Variants in LRMDA observed in about 807,000 individuals in gnomAD.
LRMDA encodes leucine rich melanocyte differentiation associated.
Under a neutral mutation model 29.8 loss-of-function variants are expected in LRMDA, and 18 were observed. The observed-to-expected ratio is 0.60, with a 90% CI of 0.42 to 0.90. The LOEUF (loss-of-function observed/expected upper bound fraction) is 0.90. LRMDA is among the 40% of genes least tolerant of loss of function. The probability of loss-of-function intolerance (pLI) is 0.00; values close to 1 mark genes in which losing one functional copy is unlikely to be tolerated. For synonymous variants in LRMDA, 125 were observed against 109.4 expected (o/e 1.14, Z -0.89); for missense variants, 273 against 273.9 (o/e 1.00, Z 0.02).
chr10:76,162,290 G>A (rs1036971827), intron 5 of LRMDA, among the ~76,000 whole-genome samples: 2 of 152,146 alleles, frequency 1.3e-5, no homozygotes, highest in Non-Finnish European at 2.9e-5. Flanking sequence ...GGAAAAGATC[G>A]CTGGCAGAGT....
At chr10:76,177,625 TA>T (rs145882342) in intron 5 of LRMDA, among the ~76,000 whole-genome samples, 4 of 152,016 alleles carry the variant, frequency 2.6e-5, no homozygotes, top group Non-Finnish European at 1.5e-5. Flanking sequence ...TCTAAGTAGA[TA>T]AAAAAAATCC....
At chr10:76,018,802 G>A (rs746735788) in intron 2 of LRMDA, among the ~76,000 whole-genome samples, 4 of 152,078 alleles carry the variant, frequency 2.6e-5, no homozygotes, top group Admixed American at 6.6e-5. Flanking sequence ...TCTTTACCTC[G>A]TGATCCACCT....
At chr10:76,087,808 A>G (rs1056099507) in intron 5 of LRMDA, among the ~76,000 whole-genome samples, 1 of 152,194 alleles carries the variant, frequency 6.6e-6, no homozygotes, top group African/African-American at 2.4e-5. Context: ...TGATTTCCTC[A>G]GTGTTTGAAA....
chr10:75,570,235 A>G (rs1454251010), intron 2 of LRMDA, among the ~76,000 whole-genome samples: 1 of 152,188 alleles, frequency 6.6e-6, no homozygotes, highest in Non-Finnish European at 1.5e-5. Context: ...AGATTGTAAG[A>G]GACTATGGGT....
At chr10:76,447,019 A>G (rs1052453166) in intron 6 of LRMDA, among the ~76,000 whole-genome samples, 2 of 150,330 alleles carry the variant, frequency 1.3e-5, no homozygotes, top group Admixed American at 6.6e-5. Flanking sequence ...TGTGTTCGGT[A>G]TATGTTGGAG....
chr10:76,291,229 T>C (rs189817447), intron 5 of LRMDA, among the ~76,000 whole-genome samples: 1 of 152,294 alleles, frequency 6.6e-6, no homozygotes. Context: ...CTCCCTGTCT[T>C]TCACTGTTGG....
At chr10:75,817,981 G>T (rs1254279920) in intron 2 of LRMDA, among the ~76,000 whole-genome samples, 1 of 152,174 alleles carries the variant, frequency 6.6e-6, no homozygotes, top group Non-Finnish European at 1.5e-5. Context: ...ATCTTGGCTT[G>T]GTGCTTACAC....
chr10:76,412,305 A>G lies in LRMDA; in HGVS notation c.601+87820A>G, dbSNP rs140156892. Reference sequence around the variant, plus strand: ...ATTTTGTATTTTCTCCTGCTTCTACATAGGGAGGGAGGGCTCTGCCTCCCC... The same window carrying G: ...ATTTTGTATTTTCTCCTGCTTCTACGTAGGGAGGGAGGGCTCTGCCTCCCC... On this transcript the variant is annotated intron_variant, in intron 6 of 6. Coordinates refer to ENST00000611255, the MANE Select transcript of LRMDA (RefSeq NM_001305581.2). Among the ~76,000 whole-genome samples the G allele has an allele frequency of 1.0e-3, 156 of 152,288 alleles. 6 individuals carry two copies. The East Asian group carries it at 0.027, about 26-fold the overall frequency.
chr10:75,985,727 G>A (rs1474127184), intron 2 of LRMDA, among the ~76,000 whole-genome samples: 2 of 152,222 alleles, frequency 1.3e-5, no homozygotes, highest in Non-Finnish European at 2.9e-5. Context: ...AGAACTCAGA[G>A]ATGGAGGGAG....
intron 5 of LRMDA, among the ~76,000 whole-genome samples, chr10:76,288,596 T>C (rs997437764): frequency 1.3e-5 from 2 of 152,184 alleles, no homozygotes; most frequent in South Asian, 4.1e-4. Context: ...CCATTTTGGT[T>C]TGGTCTGTTC....
chr10:75,787,270 C>T (rs923835817), intron 2 of LRMDA, among the ~76,000 whole-genome samples: 1 of 152,188 alleles, frequency 6.6e-6, no homozygotes, highest in Non-Finnish European at 1.5e-5. Flanking sequence ...TGAAGTCCTG[C>T]TGCTTTCCCT....
At chr10:76,553,882 T>G (rs1457669142) in intron 6 of LRMDA, among the ~76,000 whole-genome samples, 2 of 152,244 alleles carry the variant, frequency 1.3e-5, no homozygotes, top group East Asian at 3.9e-4. Context: ...CATTTTCAAC[T>G]GCCAGGCCGT....
chr10:75,857,693 A>G (rs1428717611), intron 2 of LRMDA, among the ~76,000 whole-genome samples: 2 of 152,218 alleles, frequency 1.3e-5, no homozygotes, highest in East Asian at 3.8e-4. Context: ...GGCCATAAAG[A>G]TAAAGCAGTG....
intron 5 of LRMDA, among the ~76,000 whole-genome samples, chr10:76,252,632 T>A (rs572453751): frequency 6.6e-6 from 1 of 152,206 alleles, no homozygotes; most frequent in Non-Finnish European, 1.5e-5. Flanking sequence ...ATGTTTTGTG[T>A]ATAGGATTTG....
intron 2 of LRMDA, among the ~76,000 whole-genome samples, chr10:75,494,586 C>T (rs904916540): frequency 2.9e-4 from 41 of 142,736 alleles, no homozygotes; most frequent in African/African-American, 8.7e-4. Flanking sequence ...CTGCAAACTC[C>T]GCCTCCTGGG....
Position 76,434,546 on chromosome 10 carries a change from T to C in LRMDA, c.601+110061T>C, listed in dbSNP as rs566893502. Among the ~76,000 whole-genome samples, 94 of 152,282 alleles carry C rather than the reference T, an allele frequency of 6.2e-4. 1 individual carries two copies. The highest frequency in any genetic ancestry group is 2.3e-3 in the African/African-American group (94 of 41,558). On this transcript the variant is annotated intron_variant, in intron 6 of 6. Transcript: ENST00000611255. ...TAGCTAACCCATAAATCCACCCACT[T>C]ACCTACCCACCCATCAGTTCATCCA...
chr10:76,060,242 T>A (rs1044661384), intron 5 of LRMDA, among the ~76,000 whole-genome samples: 1 of 152,202 alleles, frequency 6.6e-6, no homozygotes, highest in African/African-American at 2.4e-5. Context: ...CGTGTATACC[T>A]GTGTGCAGAG....
intron 5 of LRMDA, among the ~76,000 whole-genome samples, chr10:76,296,779 T>C (rs1355810190): frequency 6.6e-6 from 1 of 152,246 alleles, no homozygotes; most frequent in Non-Finnish European, 1.5e-5. Flanking sequence ...GTTCAACAGA[T>C]GGTGACTAGC....
intron 6 of LRMDA, among the ~76,000 whole-genome samples, chr10:76,332,332 T>C (rs1303010409): frequency 5.9e-5 from 9 of 152,212 alleles, no homozygotes; most frequent in African/African-American, 1.4e-4. Context: ...TTGAAATCCA[T>C]AGGGGTCCAT....
Sources: allele counts gnomAD v4.1 joint callset (sites outside exome capture counted in the v4.1 genomes callset), GRCh38; gene constraint gnomAD v4.1.1; transcripts MANE v1.5; gene names NCBI Gene and HGNC (gene_info 2026-07-23, HGNC 2026-07-21).